The following ACTR3C variants were observed in gnomAD, a reference collection of about 807,000 sequenced individuals.
ACTR3C encodes the protein actin related protein 3C, also known as actin-related protein 3C.
ACTR3C carries 18 observed loss-of-function variants against 26.3 expected under a neutral mutation model. The observed-to-expected ratio is 0.68, with a 90% CI of 0.47 to 1.01. The LOEUF is 1.01. Ranked by LOEUF, ACTR3C falls within the 50% of genes least tolerant of loss-of-function variation. ACTR3C has a pLI of 0.00. For missense variants in ACTR3C, 184 were observed against 250.7 expected, an observed-to-expected ratio of 0.73 and a Z score of 1.80; for synonymous variants, 55 against 94.5, an observed-to-expected ratio of 0.58 and a Z score of 2.42.
chr7:149,903,865 CGTTGTTGTT>C, the ACTR3C span, among the ~76,000 whole-genome samples: 2 of 50,542 alleles, frequency 4.0e-5, no homozygotes, highest in Non-Finnish European at 7.7e-5. Flanking sequence ...AGTGTAAGGG[CGTTGTTGTT>C]GTTGTTGTTG....
chr7:149,930,373 GTAA>G, the ACTR3C span, among the ~76,000 whole-genome samples: 3 of 152,342 alleles, frequency 2.0e-5, no homozygotes, highest in African/African-American at 7.2e-5. Flanking sequence ...GTGCAGGAAA[GTAA>G]TAATAATATG....
chr7:150,040,460 C>T, the ACTR3C span: 1 of 141,452 alleles, frequency 7.1e-6, no homozygotes, highest in Non-Finnish European at 1.6e-5. Context: ...CGGGTCCCCG[C>T]CCCCTTTGTG....
At chr7:149,953,351 T>C in the ACTR3C span, among the ~76,000 whole-genome samples, 1 of 149,700 alleles carries the variant, frequency 6.7e-6, no homozygotes, top group Admixed American at 6.6e-5. Context: ...ATAGGTCACT[T>C]TTGTATTTCC....
At chr7:150,062,243 T>C in the ACTR3C span, 1 of 31,352 alleles carries the variant, frequency 3.2e-5, no homozygotes, top group African/African-American at 1.5e-4. Context: ...TCAAAAATGA[T>C]GAACTATAAT....
chr7:149,890,860 G>A, the ACTR3C span: 1 of 202,390 alleles, frequency 4.9e-6, no homozygotes, highest in Middle Eastern at 2.0e-3. Flanking sequence ...TGTCCAAAGA[G>A]GTGATCTAGG....
chr7:150,145,882 TGGTTCC>T, the ACTR3C span, among the ~76,000 whole-genome samples: 2 of 139,508 alleles, frequency 1.4e-5, no homozygotes, highest in Non-Finnish European at 3.0e-5. Context: ...ACAACACCTG[TGGTTCC>T]CTTCTAGTCT....
chr7:149,917,222 T>C, the ACTR3C span, among the ~76,000 whole-genome samples: 2 of 152,114 alleles, frequency 1.3e-5, no homozygotes, highest in African/African-American at 4.8e-5. Flanking sequence ...ATTACAGGCA[T>C]GCGCCACTAC....
intron 6 of ACTR3C, among the ~76,000 whole-genome samples, chr7:150,280,761 C>A (rs1390978532): frequency 2.0e-5 from 3 of 151,872 alleles, no homozygotes; most frequent in Non-Finnish European, 4.4e-5. Flanking sequence ...AATCATCACA[C>A]TGTGCACCTT....
chr7:150,281,373 C>CTCCAAA (rs1835324213), intron 6 of ACTR3C, among the ~76,000 whole-genome samples: 2 of 150,602 alleles, frequency 1.3e-5, no homozygotes, highest in South Asian at 4.2e-4. Flanking sequence ...GGGGCATGCT[C>CTCCAAA]TCCACCGCAC....
At chr7:150,101,561 A>G in the ACTR3C span, among the ~76,000 whole-genome samples, 13 of 151,844 alleles carry the variant, frequency 8.6e-5, 1 homozygote, top group East Asian at 3.9e-4. Context: ...GTGGTGCCCA[A>G]TGCTCCTCCC....
At chr7:150,038,892 C>T in the ACTR3C span, among the ~76,000 whole-genome samples, 4 of 73,000 alleles carry the variant, frequency 5.5e-5, 1 homozygote, top group Non-Finnish European at 9.9e-5. Flanking sequence ...GGGGTGCCTC[C>T]CCCCTGCGAT....
the ACTR3C span, among the ~76,000 whole-genome samples, chr7:149,978,158 C>T: frequency 1.3e-5 from 2 of 152,166 alleles, no homozygotes; most frequent in Non-Finnish European, 2.9e-5. Flanking sequence ...ATATCCCATA[C>T]GTGATGTACA....
the ACTR3C span, among the ~76,000 whole-genome samples, chr7:150,229,651 A>ATTTTT: frequency 4.8e-4 from 64 of 134,300 alleles, no homozygotes; most frequent in African/African-American, 1.6e-3. Context: ...CACACAGCTA[A>ATTTTT]TTTTTTTTTT....
At chr7:150,294,363 C>T (rs1050967225) in intron 2 of ACTR3C, among the ~76,000 whole-genome samples, 6 of 152,212 alleles carry the variant, frequency 3.9e-5, no homozygotes, top group African/African-American at 7.2e-5. Context: ...AAACCCTGGT[C>T]GAAGACGAAG....
At chr7:150,076,091 T>G in the ACTR3C span, among the ~76,000 whole-genome samples, 12 of 152,052 alleles carry the variant, frequency 7.9e-5, no homozygotes, top group Non-Finnish European at 1.3e-4. Context: ...CAATTCAACG[T>G]GCTCCCTGAT....
the ACTR3C span, among the ~76,000 whole-genome samples, chr7:150,155,407 A>G: frequency 6.6e-6 from 1 of 152,148 alleles, no homozygotes; most frequent in East Asian, 1.9e-4. Context: ...TCATCTGTGG[A>G]ATTTGAGAAT....
the ACTR3C span, among the ~76,000 whole-genome samples, chr7:149,980,288 C>T: frequency 2.6e-5 from 4 of 152,276 alleles, no homozygotes; most frequent in South Asian, 6.2e-4. Context: ...TTATTAAAGA[C>T]CAAATACTTT....
the ACTR3C span, among the ~76,000 whole-genome samples, chr7:150,196,624 G>A: frequency 6.6e-6 from 1 of 152,128 alleles, no homozygotes; most frequent in Non-Finnish European, 1.5e-5. Flanking sequence ...CTTATTTGTT[G>A]ATAGCTGAAC....
chr7:149,903,393 A>G, the ACTR3C span, among the ~76,000 whole-genome samples: 15 of 151,994 alleles, frequency 9.9e-5, no homozygotes, highest in Middle Eastern at 3.4e-3. Context: ...TTGCCGGATT[A>G]AAAAAAAATC....
Sources: allele counts gnomAD v4.1 joint callset (sites outside exome capture counted in the v4.1 genomes callset), GRCh38; gene constraint gnomAD v4.1.1; transcripts MANE v1.5; gene names NCBI Gene and HGNC (gene_info 2026-07-23, HGNC 2026-07-21).